Variants in AGL observed in about 807,000 individuals in gnomAD.
AGL encodes glycogen debranching enzyme.
A neutral mutation model predicts 199.3 loss-of-function variants in AGL; 128 were observed. The observed-to-expected ratio is 0.64, with a 90% CI of 0.56 to 0.74. The LOEUF is 0.74. Ranked by LOEUF, AGL falls within the 30% of genes least tolerant of loss-of-function variation. AGL has a pLI of 0.00. For synonymous variants in AGL, 584 were observed against 594.7 expected (o/e 0.98, Z 0.26); for missense variants, 1,809 against 1,820.8 (o/e 0.99, Z 0.12).
At chr1:99,896,432 A>G (rs1418913922) in intron 25 of AGL, 44 bp downstream of exon 25, 2 of 1,414,168 alleles carry the variant, frequency 1.4e-6, no homozygotes, top group Admixed American at 3.3e-5. Flanking sequence ...TTATGTCTGA[A>G]TGTCTTTTAC....
Position 99,862,548 on chromosome 1 carries a change from T to C in AGL, c.460+125T>C. The C allele has an allele frequency of 2.9e-6, 3 of 1,034,676 alleles. No individual in the cohort carries two copies. The South Asian group carries it at 4.1e-5, about 14-fold the overall frequency. 64.1% of individuals were successfully genotyped at this position (1,034,676 alleles called of 1,614,324 possible). On this transcript the variant is annotated intron_variant, in intron 4 of 33. Transcript: ENST00000361915. ...ATTGCAGTAAAGAACTACCTGAGACTGGGTAATTTATAAAGAAAAGAGGTT... is the reference window on the plus strand; with the variant it reads ...ATTGCAGTAAAGAACTACCTGAGACCGGGTAATTTATAAAGAAAAGAGGTT...
chr1:99,911,988 C>G (rs542807095), intron 28 of AGL, among the ~76,000 whole-genome samples: 1 of 152,232 alleles, frequency 6.6e-6, no homozygotes, highest in East Asian at 1.9e-4. Context: ...CTATTTGGTA[C>G]ATTAGATCCT....
At chr1:99,883,342 A>G (rs1329594701) in intron 17 of AGL, among the ~76,000 whole-genome samples, 4 of 152,126 alleles carry the variant, frequency 2.6e-5, no homozygotes, top group African/African-American at 9.6e-5. Flanking sequence ...ATCCCTAGGT[A>G]TATATCTGGG....
chr1:99,864,325 C>T, intron 4 of AGL, 61 bp from the exon 5 acceptor site: 6 of 1,404,464 alleles, frequency 4.3e-6, no homozygotes, highest in Non-Finnish European at 6.0e-6. Context: ...ATATTTTCTT[C>T]ATTTTAGGCT....
At chr1:99,863,720 A>G (rs1450821499) in intron 4 of AGL, among the ~76,000 whole-genome samples, 1 of 144,746 alleles carries the variant, frequency 6.9e-6, no homozygotes, top group Admixed American at 6.9e-5. Context: ...AAGTGCTGGG[A>G]TTACAGGCAT....
At chr1:99,905,550 G>A (rs1049124223) in intron 27 of AGL, among the ~76,000 whole-genome samples, 4 of 152,004 alleles carry the variant, frequency 2.6e-5, no homozygotes, top group East Asian at 1.9e-4. Flanking sequence ...CTGAAATGTC[G>A]GTTCACGTAT....
At chr1:99,915,022 C>A (rs1048431284) in intron 30 of AGL, among the ~76,000 whole-genome samples, 1 of 152,088 alleles carries the variant, frequency 6.6e-6, no homozygotes, top group Non-Finnish European at 1.5e-5. Flanking sequence ...TGAGGCTGCA[C>A]TGAGCTCTGA....
At chr1:99,909,913 T>C (rs1289990050) in intron 27 of AGL, among the ~76,000 whole-genome samples, 1 of 152,168 alleles carries the variant, frequency 6.6e-6, no homozygotes, top group Non-Finnish European at 1.5e-5. Flanking sequence ...TGCTATATAT[T>C]ACATAGCATA....
At chr1:99,868,106 GTGTT>G (rs1016267295) in intron 5 of AGL, among the ~76,000 whole-genome samples, 3 of 152,156 alleles carry the variant, frequency 2.0e-5, no homozygotes, top group African/African-American at 7.2e-5. Context: ...GCTAGGGACA[GTGTT>G]TGTTGAGTTT....
chr1:99,876,686 A>G (rs565409362), intron 11 of AGL, 89 bp downstream of exon 11: 4 of 1,438,128 alleles, frequency 2.8e-6, no homozygotes, highest in East Asian at 2.3e-5. Context: ...TTTCTTCCCC[A>G]TTAGTCTATT....
At chr1:99,915,023 T>G (rs1021645420) in intron 30 of AGL, among the ~76,000 whole-genome samples, 1 of 152,194 alleles carries the variant, frequency 6.6e-6, no homozygotes, top group Non-Finnish European at 1.5e-5. Context: ...GAGGCTGCAC[T>G]GAGCTCTGAT....
rs199927371 is a variant in AGL at position 99,879,584 on chromosome 1, C to CAATA, written c.1612-317_1612-314dup. On this transcript the variant is annotated intron_variant, in intron 12 of 33. Coordinates refer to ENST00000361915, the MANE Select transcript of AGL (RefSeq NM_000642.3). Reference sequence around the variant, plus strand: ...GGGCAACAAGAGCGAAACTTGGTCTCAATAAATAAATAAATAAATAAATAA... The same window carrying CAATA: ...GGGCAACAAGAGCGAAACTTGGTCTCAATAAATAAATAAATAAATAAATAAATAA... Among the ~76,000 whole-genome samples the CAATA allele has an allele frequency of 0.13, 20,127 of 151,090 alleles. 1,417 individuals are homozygous for CAATA. The highest frequency in any genetic ancestry group is 0.17 in the Middle Eastern group (51 of 294).
Position 99,910,851 on chromosome 1 carries a change from G to T in AGL, c.3836+4G>T. 1 of 1,611,780 alleles carries T rather than the reference G, an allele frequency of 6.2e-7. No individual in the cohort carries two copies. ...GAGGAATCCCAGCCACACCAAGGTA[G>T]TGTAAATGTTATAATGCTGTGTAAT... On this transcript the variant is annotated splice_donor_region_variant and intron_variant, in intron 28 of 33. Transcript: ENST00000361915.
chr1:99,866,920 G>A (rs1286979571), intron 5 of AGL, among the ~76,000 whole-genome samples: 1 of 151,964 alleles, frequency 6.6e-6, no homozygotes, highest in East Asian at 1.9e-4. Context: ...CCAGGTTCAA[G>A]TGATTCTCCC....
chr1:99,854,429 C>CA (rs1223501158), intron 2 of AGL, among the ~76,000 whole-genome samples: 1 of 152,140 alleles, frequency 6.6e-6, no homozygotes, highest in Non-Finnish European at 1.5e-5. Flanking sequence ...GAGAATGTGC[C>CA]ACCTTTTTTT....
At chr1:99,877,879 C>T (rs1156741672) in intron 12 of AGL, 51 bp downstream of exon 12, 2 of 1,566,144 alleles carry the variant, frequency 1.3e-6, no homozygotes, top group Admixed American at 3.3e-5. Flanking sequence ...AGTGTTCCTT[C>T]CTAGCTTTCC....
chr1:99,851,144 G>C lies in AGL; in HGVS notation c.82+20G>C. On this transcript the variant is annotated intron_variant, in intron 2 of 33. Coordinates refer to ENST00000361915, the MANE Select transcript of AGL (RefSeq NM_000642.3). ...AACAAGGTCAGTAGCAAGTTGTTTT[G>C]ATTTGCTCATTTGCGTCTTTTAAAC... The C allele has an allele frequency of 6.3e-7, 1 of 1,598,494 alleles. No homozygotes were observed. The highest frequency in any genetic ancestry group is 8.6e-7 in the Non-Finnish European group (1 of 1,165,864).
intron 24 of AGL, 38 bp downstream of exon 24, chr1:99,892,645 A>G (rs1314842477): frequency 1.1e-5 from 17 of 1,580,932 alleles, no homozygotes; most frequent in East Asian, 2.2e-5. Flanking sequence ...ATGTAAATCG[A>G]TAGTATTCGC....
chr1:99,915,474 C>G lies in AGL; in HGVS notation c.4247C>G (p.Thr1416Ser), dbSNP rs1270241952. The change falls in exon 31 of 34, where the codon ACT becomes AGT. Residue 1416 changes from threonine to serine, a missense_variant. Thr to Ser is a moderately conservative substitution (Grantham distance 58). Transcript: ENST00000361915. ...KKLLGPLGMK[T>S]LDPDDMVYCG... is the part of the protein sequence containing the mutation. The stretch of plus-strand genomic sequence containing the variant: ...TTGCTTGGTCCCCTTGGCATGAAAA[C>G]TTTAGATCCAGAGTAAGTTGGAATA... The G allele has an allele frequency of 6.2e-7, 1 of 1,608,166 alleles. No individual in the cohort carries two copies. The highest frequency in any genetic ancestry group is 8.5e-7 in the Non-Finnish European group (1 of 1,175,154).
Sources: allele counts gnomAD v4.1 joint callset (sites outside exome capture counted in the v4.1 genomes callset), GRCh38; gene constraint gnomAD v4.1.1; transcripts MANE v1.5; gene names NCBI Gene and HGNC (gene_info 2026-07-23, HGNC 2026-07-21).